CCNA1: variants seen among roughly 807,000 people sequenced by gnomAD.
CCNA1 encodes cyclin-A1.
A neutral mutation model predicts 54.1 loss-of-function variants in CCNA1; 23 were observed. The ratio of observed to expected loss-of-function variants is 0.42; its 90% confidence interval spans 0.31 to 0.60. The LOEUF (loss-of-function observed/expected upper bound fraction) is 0.60, where lower values mean the gene tolerates loss of function less well. Ranked by LOEUF, CCNA1 falls within the 20% of genes least tolerant of loss-of-function variation. CCNA1 has a pLI of 0.14. For missense variants in CCNA1, 450 were observed against 556.7 expected, an observed-to-expected ratio of 0.81 and a Z score of 1.93; for synonymous variants, 208 against 213.9, an observed-to-expected ratio of 0.97 and a Z score of 0.24.
chr13:36,431,911 A>T (rs1342362676), upstream of CCNA1: 5 of 152,762 alleles, frequency 3.3e-5, 1 homozygote, highest in South Asian at 8.3e-4. Flanking sequence ...AGGAGACGTT[A>T]GAGGGGGTTG....
chr13:36,432,421 C>T (rs2055722353), upstream of CCNA1: 3 of 256,060 alleles, frequency 1.2e-5, no homozygotes, highest in South Asian at 1.6e-4. Flanking sequence ...CCCGGCCCGG[C>T]CCTGCCCAAC....
chr13:36,439,981 A>C lies in CCNA1; in HGVS notation c.896A>C (p.Lys299Thr). 6.2e-7 allele frequency: 1 copy of C among 1,603,486 alleles called. No individual in the cohort carries two copies. Reference sequence around the variant, plus strand: ...TCTGAAAACTCTTCCTTTCCCAGGAAATATGAAGAGATATATCCTCCTGAA... The same window carrying C: ...TCTGAAAACTCTTCCTTTCCCAGGACATATGAAGAGATATATCCTCCTGAA... Residue 299 changes from lysine (K) to threonine (T), a missense_variant and splice_region_variant, in exon 6 of 9, where the codon AAA (lysine) becomes ACA (threonine). Physicochemically the swap from Lys to Thr is moderately conservative, Grantham distance 78. This residue lies in a region of CCNA1 where 150 missense variants were observed against 219.7 expected (regional missense o/e 0.68). Transcript: ENST00000255465.
intron 7 of CCNA1, 55 bp downstream of exon 7, chr13:36,441,286 G>A: frequency 9.2e-7 from 1 of 1,091,464 alleles, no homozygotes; most frequent in Non-Finnish European, 1.4e-6. Context: ...GAATGGGCTT[G>A]CCTCTTATGA....
At chr13:36,434,820 A>C (rs12863970) in intron 2 of CCNA1, among the ~76,000 whole-genome samples, 121,325 of 142,412 alleles carry the variant, frequency 0.85, 50,626 homozygotes, top group East Asian at 1. Context: ...TGCTGTCATG[A>C]GAGGTGCCCC....
chr13:36,433,415 TTTCTTTCTTTCTTTCTTTCTTTCTTTCG>T lies in CCNA1; in HGVS notation c.297+213_297+240del, dbSNP rs879256465. Among the ~76,000 whole-genome samples, 730 of 121,670 alleles carry T rather than the reference TTTCTTTCTTTCTTTCTTTCTTTCTTTCG, an allele frequency of 6.0e-3. 17 individuals carry two copies. Among genetic ancestry groups the T allele is most frequent in the Non-Finnish European group, 9.8e-3 (551 of 56,216 alleles). The allele number at this position is 121,670 out of a possible 152,430, so 79.8% of individuals were successfully genotyped here. A position where few individuals can be genotyped will look rare whatever the true frequency, so the allele number is the denominator to read the frequency against. On this transcript the variant is annotated intron_variant, in intron 2 of 8. Transcript: ENST00000255465. The stretch of plus-strand genomic sequence containing the variant: ...CTTTCTTTCTTTCTTTCTTTCTTTC[TTTCTTTCTTTCTTTCTTTCTTTCTTTCG>T]TTCTTTCTTTCTTTCTTTTCTTTCT...
At chr13:36,442,406 C>A in intron 8 of CCNA1, 102 bp downstream of exon 8, 1 of 1,345,696 alleles carries the variant, frequency 7.4e-7, no homozygotes, top group Non-Finnish European at 1.0e-6. Flanking sequence ...GTATCTGGTG[C>A]CAGGTTGGAA....
rs1219953395 is a variant in CCNA1, at chr13:36,437,742, C to G, written c.411C>G (p.Ile137Met). Residue 137 changes from isoleucine (I) to methionine (M), a missense_variant, in exon 3 of 9, where the codon ATC becomes ATG. Ile to Met is a conservative substitution (Grantham distance 10). Around this residue, in one of 6 missense-constraint regions of CCNA1, gnomAD observed 103 missense variants for 92.9 expected, o/e 1.11. Transcript: ENST00000255465. ...AGCCCCCCAAGCAAGGGTTTGACATCTACATGGATGAACTAGAGCAGGGGG... is the reference window on the plus strand; with the variant it reads ...AGCCCCCCAAGCAAGGGTTTGACATGTACATGGATGAACTAGAGCAGGGGG... The G allele has an allele frequency of 6.2e-7, 1 of 1,614,144 alleles. No individual in the cohort carries two copies. Among genetic ancestry groups the G allele is most frequent in the East Asian group, 2.2e-5 (1 of 44,870 alleles).
At chr13:36,434,485 G>C (rs116056653) in intron 2 of CCNA1, among the ~76,000 whole-genome samples, 1 of 151,972 alleles carries the variant, frequency 6.6e-6, no homozygotes, top group South Asian at 2.1e-4. Flanking sequence ...AAAACTTAAC[G>C]CCTGAGACTT....
Position 36,440,187 on chromosome 13 carries a change from T to C in CCNA1, c.1098+4T>C. 2 of 1,612,766 alleles carry C rather than the reference T, an allele frequency of 1.2e-6. No homozygotes were observed. Among genetic ancestry groups the C allele is most frequent in the South Asian group, 1.1e-5 (1 of 90,984 alleles). On this transcript the variant is annotated splice_donor_region_variant and intron_variant, in intron 6 of 8. Coordinates refer to ENST00000255465, the MANE Select transcript of CCNA1 (RefSeq NM_003914.4). ...CAGGACTGAGAACCTGGCTAAGGTG[T>C]GTATGCCGCGTGATTTCTAGGAACT... is the stretch of plus-strand genomic sequence containing the variant.
intron 6 of CCNA1, among the ~76,000 whole-genome samples, chr13:36,440,881 A>G (rs7997378): frequency 0.022 from 3,418 of 152,302 alleles, 124 homozygotes; most frequent in African/African-American, 0.078. Flanking sequence ...GTAACCTATC[A>G]CCTATACTTT....
rs1265964161 is a variant in CCNA1 at position 36,441,559 on chromosome 13, A to C, written c.1212+328A>C. Among the ~76,000 whole-genome samples the C allele has an allele frequency of 2.6e-5, 4 of 152,172 alleles. No homozygotes were observed. In the South Asian group the frequency reaches 8.3e-4, roughly 32 times the overall value. On this transcript the variant is annotated intron_variant, in intron 7 of 8. Transcript: ENST00000255465. Reference sequence around the variant, plus strand: ...CAAAAGTTGTTGACTTTTACCTTCTATATTAAAAACAAAAACCTAGGTCCA... The same window carrying C: ...CAAAAGTTGTTGACTTTTACCTTCTCTATTAAAAACAAAAACCTAGGTCCA...
rs748235047 is a variant in CCNA1 at position 36,440,160 on chromosome 13, G to A, written c.1075G>A (p.Val359Ile). Residue 359 changes from valine to isoleucine, a missense_variant, in exon 6 of 9, where the codon GTC (valine) becomes ATC (isoleucine). Transcript: ENST00000255465. The stretch of plus-strand genomic sequence containing the variant: ...GTACTTGAGGCGACAAGGAGTGTGC[G>A]TCAGGACTGAGAACCTGGCTAAGGT... The A allele has an allele frequency of 2.3e-5, 37 of 1,613,878 alleles. No individual in the cohort carries two copies. Among genetic ancestry groups the A allele is most frequent in the Middle Eastern group, 1.6e-4 (1 of 6,084 alleles).
chr13:36,437,741 T>G lies in CCNA1; in HGVS notation c.410T>G (p.Ile137Ser). 1 of 1,614,140 alleles carries G rather than the reference T, an allele frequency of 6.2e-7. No homozygotes were observed. The change falls in exon 3 of 9, where the codon ATC (isoleucine) becomes AGC (serine). Residue 137 changes from isoleucine (I) to serine (S), a missense_variant. Physicochemically the swap from Ile to Ser is moderately radical, Grantham distance 142 (BLOSUM62 -2). Coordinates refer to ENST00000255465, the MANE Select transcript of CCNA1 (RefSeq NM_003914.4). The stretch of plus-strand genomic sequence containing the variant: ...GAGCCCCCCAAGCAAGGGTTTGACA[T>G]CTACATGGATGAACTAGAGCAGGGG...
chr13:36,442,351 A>T, intron 8 of CCNA1, 47 bp downstream of exon 8: 1 of 1,591,874 alleles, frequency 6.3e-7, no homozygotes, highest in Non-Finnish European at 8.6e-7. Context: ...TTAAAGCTTA[A>T]TGGGTTATAG....
At chr13:36,435,025 T>A (rs1388402060) in intron 2 of CCNA1, among the ~76,000 whole-genome samples, 1 of 152,214 alleles carries the variant, frequency 6.6e-6, no homozygotes, top group Non-Finnish European at 1.5e-5. Context: ...AACCCTGGAA[T>A]CTGGACCACA....
rs761793251 is a variant in CCNA1, at chr13:36,433,118, C to T, written c.194C>T (p.Ala65Val). Reference sequence around the variant, plus strand: ...GCTACAGTGGCCCGAGGTCCCGATGCTTGTCAGATACTCACCAGAGCCCCG... The same window carrying T: ...GCTACAGTGGCCCGAGGTCCCGATGTTTGTCAGATACTCACCAGAGCCCCG... The change falls in exon 2 of 9, where the codon GCT (alanine) becomes GTT (valine). Residue 65 changes from alanine to valine, a missense_variant. Ala to Val is a moderately conservative substitution (Grantham distance 64). Coordinates refer to ENST00000255465, the MANE Select transcript of CCNA1 (RefSeq NM_003914.4). 11 of 1,614,100 alleles carry T rather than the reference C, an allele frequency of 6.8e-6. No homozygotes were observed. The highest frequency in any genetic ancestry group is 8.5e-6 in the Non-Finnish European group (10 of 1,180,042).
chr13:36,439,329 G>C (rs1045668741), intron 5 of CCNA1, among the ~76,000 whole-genome samples: 2 of 152,136 alleles, frequency 1.3e-5, no homozygotes, highest in African/African-American at 4.8e-5. Flanking sequence ...AATTGTGTGG[G>C]AAAAGAGAGC....
At chr13:36,433,784 G>A (rs1248352514) in intron 2 of CCNA1, among the ~76,000 whole-genome samples, 3 of 151,948 alleles carry the variant, frequency 2.0e-5, no homozygotes, top group Admixed American at 6.6e-5. Context: ...CAGGTGACCC[G>A]CCCACCTCGG....
chr13:36,438,504 C>T (rs991496546), intron 4 of CCNA1, 140 bp from the exon 5 acceptor site: 5 of 675,966 alleles, frequency 7.4e-6, no homozygotes, highest in Non-Finnish European at 1.0e-5. Flanking sequence ...ACACTTTCTT[C>T]CTTGTTATGA....
Sources: gnomAD v4.1 joint callset for allele counts (sites outside exome capture counted in the v4.1 genomes callset) on GRCh38, gnomAD v4.1.1 for gene constraint, gnomAD v4.1.1 regional missense constraint, MANE v1.5 for transcripts, NCBI Gene and HGNC (gene_info 2026-07-23, HGNC 2026-07-21) for gene names.